CR2: variants seen among roughly 807,000 people sequenced by gnomAD.
The protein encoded by CR2 is complement receptor type 2.
Under a neutral mutation model 123.0 loss-of-function variants are expected in CR2, and 96 were observed. The ratio of observed to expected loss-of-function variants is 0.78; its 90% CI spans 0.66 to 0.93. CR2 has a LOEUF of 0.93. Among genes scored for constraint, CR2 ranks in the 40% least tolerant of loss-of-function variants. The pLI is 0.00. For missense variants in CR2, 1,258 were observed against 1,361.0 expected (o/e 0.92, Z 1.19); for synonymous variants, 484 against 469.5 (o/e 1.03, Z -0.40).
chr1:207,488,034 T>C (rs1658795103), intron 19 of CR2, among the ~76,000 whole-genome samples: 1 of 152,220 alleles, frequency 6.6e-6, no homozygotes, highest in Admixed American at 6.5e-5. Flanking sequence ...GACTGAATTA[T>C]AGGGAGTACA....
rs894817260 is a variant in CR2 at position 207,468,911 on chromosome 1, G to T, written c.734+12G>T. The T allele has an allele frequency of 2.5e-6, 4 of 1,611,298 alleles. No individual in the cohort carries two copies. The highest frequency in any genetic ancestry group is 2.2e-5 in the South Asian group (2 of 91,008). ...TTCTGTGATGAAGGGTGAGTGTCAG[G>T]ATTATTTATGAGATTTAATTCATTT... On this transcript the variant is annotated intron_variant, in intron 4 of 19. Coordinates refer to ENST00000367057, the MANE Select transcript of CR2 (RefSeq NM_001006658.3).
At position 207,472,931 on chromosome 1, in the gene CR2, C is replaced by T; in HGVS notation, c.1730C>T (p.Thr577Ile). 6.2e-7 allele frequency: 1 copy of T among 1,614,048 alleles called. No homozygotes were observed. The highest frequency in any genetic ancestry group is 8.5e-7 in the Non-Finnish European group (1 of 1,179,954). The change falls in exon 10 of 20, where the codon ACA (threonine) becomes ATA (isoleucine). Residue 577 changes from threonine to isoleucine, a missense_variant. Thr to Ile is a moderately conservative substitution (Grantham distance 89). Coordinates refer to ENST00000367057, the MANE Select transcript of CR2 (RefSeq NM_001006658.3). ...ATTGGAGAGAGCACCATCCGTTGTA[C>T]AAGCAATGATCAAGAAAGAGGCACC... ...SLIGESTIRC[T>I]SNDQERGTWS...
intron 16 of CR2, 109 bp downstream of exon 16, chr1:207,478,179 G>C (rs1215764738): frequency 1.7e-6 from 2 of 1,185,066 alleles, no homozygotes. Context: ...ATAGGTTTGT[G>C]ACCAGTTGTA....
chr1:207,469,337 G>A, intron 5 of CR2, 105 bp downstream of exon 5: 1 of 930,734 alleles, frequency 1.1e-6, no homozygotes, highest in Non-Finnish European at 1.8e-6. Flanking sequence ...AGAACTCCTA[G>A]AGATCTTTAA....
intron 13 of CR2, 66 bp downstream of exon 13, chr1:207,474,389 A>G: frequency 8.5e-7 from 1 of 1,181,438 alleles, no homozygotes; most frequent in South Asian, 1.2e-5. Context: ...GCCACTGAAG[A>G]ATTAGTCTAC....
In CR2 at chr1:207,468,786, G is replaced by C. The variant is rs373992562; in HGVS notation, c.635-14G>C. On this transcript the variant is annotated splice_polypyrimidine_tract_variant and intron_variant, in intron 3 of 19. Coordinates refer to ENST00000367057, the MANE Select transcript of CR2 (RefSeq NM_001006658.3). ...TATTTGCCATGCATTTCTCATCTTT[G>C]GTTTGTTTTTTAGAGGCACGCTGTA... The C allele has an allele frequency of 6.2e-7, 1 of 1,613,842 alleles. No homozygotes were observed. Among genetic ancestry groups the C allele is most frequent in the South Asian group, 1.1e-5 (1 of 91,080 alleles).
Position 207,489,493 on chromosome 1 carries a change from G to T in CR2, c.*370G>T, listed in dbSNP as rs552273794. The T allele has an allele frequency of 1.3e-5, 2 of 152,306 alleles. No homozygotes were observed. Among genetic ancestry groups the T allele is most frequent in the African/African-American group, 4.8e-5 (2 of 41,556 alleles). 9.4% of individuals were successfully genotyped at this position (152,306 alleles called of 1,614,324 possible). Reference sequence around the variant, plus strand: ...TCTTTTTGAAATCAGCATACTCAATGTTACTATCTGCTTTTGGTTATAATG... The same window carrying T: ...TCTTTTTGAAATCAGCATACTCAATTTTACTATCTGCTTTTGGTTATAATG... On this transcript the variant is annotated 3_prime_UTR_variant, in exon 20 of 20. Transcript: ENST00000367057.
Position 207,473,550 on chromosome 1 carries a change from C to T in CR2, c.1984C>T (p.Gln662Ter), listed in dbSNP as rs749473158. The change falls in exon 11 of 20, where the codon CAG becomes TAG. Residue 662 changes from glutamine to a stop codon, truncating the protein, a stop_gained. Transcript: ENST00000367057. LOFTEE classifies it high-confidence loss of function. Reference sequence around the variant, plus strand: ...TAGGGAGTTTTTCTCTTCAGGCTGCCAGTCACCTCCTGGGCTCCACCATGG... The same window carrying T: ...TAGGGAGTTTTTCTCTTCAGGCTGCTAGTCACCTCCTGGGCTCCACCATGG... Reference protein sequence around the residue: ...PEIPVCEKGCQSPPGLHHGRH... With the variant: ...PEIPVCEKGC The T allele has an allele frequency of 3.1e-6, 5 of 1,613,680 alleles. No homozygotes were observed. The highest frequency in any genetic ancestry group is 8.5e-7 in the Non-Finnish European group (1 of 1,179,646).
chr1:207,465,369 CAGAT>C (rs2102299715), intron 1 of CR2, among the ~76,000 whole-genome samples: 1 of 151,892 alleles, frequency 6.6e-6, no homozygotes, highest in South Asian at 2.1e-4. Context: ...TTTAAAAAAG[CAGAT>C]AGCACCAAAG....
At chr1:207,471,949 G>A (rs963570234) in intron 9 of CR2, 4 of 229,658 alleles carry the variant, frequency 1.7e-5, no homozygotes, top group South Asian at 1.3e-4. Context: ...TCCAGAGAAT[G>A]TAAATAAAAA....
At position 207,474,227 on chromosome 1, in the gene CR2, C is replaced by G. The variant is rs1429412500; in HGVS notation, c.2241-14C>G. ...TTGGGAACAGGAAATGCATTATAAT[C>G]TGTCTCTCTGTAGGTACCAGTTGAC... On this transcript the variant is annotated splice_polypyrimidine_tract_variant and intron_variant, in intron 12 of 19. Transcript: ENST00000367057. 6.3e-7 allele frequency: 1 copy of G among 1,586,652 alleles called. No homozygotes were observed. The highest frequency in any genetic ancestry group is 8.7e-7 in the Non-Finnish European group (1 of 1,155,232).
At position 207,469,740 on chromosome 1, in the gene CR2, T is replaced by A; in HGVS notation, c.863T>A (p.Ile288Lys). 6.2e-7 allele frequency: 1 copy of A among 1,613,912 alleles called. No homozygotes were observed. The highest frequency in any genetic ancestry group is 8.5e-7 in the Non-Finnish European group (1 of 1,179,872). ...CCCCCTATTCTCAATGGAAGACATA[T>A]AGGCAACTCACTAGCAAATGTCTCA... The part of the protein sequence containing the change: ...SPPPILNGRH[I>K]GNSLANVSYG... Residue 288 changes from isoleucine to lysine, a missense_variant, in exon 6 of 20, where the codon ATA becomes AAA. Transcript: ENST00000367057.
At chr1:207,476,642 A>G (rs1658451724) in intron 15 of CR2, among the ~76,000 whole-genome samples, 2 of 152,238 alleles carry the variant, frequency 1.3e-5, no homozygotes, top group Admixed American at 1.3e-4. Flanking sequence ...AGTCATTTAC[A>G]CATAGAAAGT....
At chr1:207,469,642 C>T in intron 5 of CR2, 53 bp from the exon 6 acceptor site, 1 of 1,549,312 alleles carries the variant, frequency 6.5e-7, no homozygotes, top group Non-Finnish European at 8.9e-7. Context: ...CTGGGGCATT[C>T]TTTGTTTTCA....
At position 207,466,825 on chromosome 1, in the gene CR2, A is replaced by G. The variant is rs1341957561; in HGVS notation, c.358A>G (p.Thr120Ala). 6.2e-7 allele frequency: 1 copy of G among 1,613,462 alleles called. No homozygotes were observed. Among genetic ancestry groups the G allele is most frequent in the African/African-American group, 1.3e-5 (1 of 74,982 alleles). Residue 120 changes from threonine to alanine, a missense_variant, in exon 2 of 20, where the codon ACC becomes GCC. Coordinates refer to ENST00000367057, the MANE Select transcript of CR2 (RefSeq NM_001006658.3). Reference protein sequence around the residue: ...HGDSVTFACKTNFSMNGNKSV... With the variant: ...HGDSVTFACKANFSMNGNKSV... ...TGATTCTGTGACATTTGCCTGTAAA[A>G]CCAACTTCTCCATGAACGGAAACAA...
chr1:207,480,131 G>A (rs1658564467), intron 18 of CR2, 78 bp downstream of exon 18: 2 of 1,021,012 alleles, frequency 2.0e-6, no homozygotes, highest in South Asian at 2.6e-5. Context: ...AAACACAGAA[G>A]CACAAGTTAT....
Position 207,487,075 on chromosome 1 carries a change from AGCCCTG to A in CR2, c.*18+1505_*18+1510del, listed in dbSNP as rs529913216. ...GCAAAAAGAAAAGGTCCAAGTACTG[AGCCCTG>A]GATCCTCCAACATTAGAAGTCATGG... is the stretch of plus-strand genomic sequence containing the variant. On this transcript the variant is annotated intron_variant, in intron 19 of 19. Coordinates refer to ENST00000367057, the MANE Select transcript of CR2 (RefSeq NM_001006658.3). 3.9e-5 allele frequency among the ~76,000 whole-genome samples: 6 copies of A among 152,320 alleles called. No individual in the cohort carries two copies. In the East Asian group the frequency reaches 1.2e-3, roughly 29 times the overall value.
At chr1:207,474,106 T>C in intron 12 of CR2, 135 bp from the exon 13 acceptor site, 2 of 900,668 alleles carry the variant, frequency 2.2e-6, no homozygotes, top group East Asian at 4.8e-5. Context: ...TTACTTGGAG[T>C]AAAAAAAAGT....
At chr1:207,477,473 G>C (rs1192882525) in intron 15 of CR2, among the ~76,000 whole-genome samples, 2 of 152,070 alleles carry the variant, frequency 1.3e-5, no homozygotes, top group African/African-American at 2.4e-5. Flanking sequence ...TCACACTATT[G>C]ATGACTACAC....
Sources: gnomAD v4.1 joint callset for allele counts (sites outside exome capture counted in the v4.1 genomes callset) on GRCh38, gnomAD v4.1.1 for gene constraint, MANE v1.5 for transcripts, NCBI Gene and HGNC (gene_info 2026-07-23, HGNC 2026-07-21) for gene names.